Variants in HECW2 observed in about 807,000 individuals in gnomAD.
HECW2 encodes E3 ubiquitin-protein ligase HECW2.
HECW2 carries 61 observed loss-of-function variants against 175.2 expected under a neutral mutation model. That is an observed-to-expected ratio of 0.35 (90% CI 0.28 to 0.43). The LOEUF (loss-of-function observed/expected upper bound fraction) is 0.43. Ranked by LOEUF, HECW2 falls within the 20% of genes least tolerant of loss-of-function variation. The pLI, the probability that HECW2 is intolerant of heterozygous loss-of-function variation, is 1.00. For missense variants in HECW2, 1,524 were observed against 2,000.5 expected (o/e 0.76, Z 4.54); for synonymous variants, 671 against 731.0 (o/e 0.92, Z 1.32).
At chr2:196,444,154 G>T (rs1373729908) in intron 1 of HECW2, among the ~76,000 whole-genome samples, 1 of 152,210 alleles carries the variant, frequency 6.6e-6, no homozygotes, top group South Asian at 2.1e-4. Flanking sequence ...TTAAGCGGAA[G>T]ATATCTTTTC....
intron 13 of HECW2, among the ~76,000 whole-genome samples, chr2:196,299,881 A>T (rs1459041824): frequency 6.6e-6 from 1 of 151,904 alleles, no homozygotes; most frequent in Non-Finnish European, 1.5e-5. Context: ...GTGAGCCGAG[A>T]TGGCGCCACT....
chr2:196,433,101 G>A (rs1322529006), intron 2 of HECW2, 31 bp downstream of exon 2: 1 of 1,561,574 alleles, frequency 6.4e-7, no homozygotes, highest in East Asian at 2.3e-5. Flanking sequence ...TATGCTCTGA[G>A]TCACATGCAA....
intron 1 of HECW2, among the ~76,000 whole-genome samples, chr2:196,462,961 C>A (rs187767779): frequency 3.9e-5 from 6 of 152,344 alleles, no homozygotes; most frequent in Admixed American, 3.9e-4. Context: ...CCTCCACTCA[C>A]ACCAGCAGTG....
chr2:196,563,402 C>T (rs1179294006), intron 1 of HECW2, among the ~76,000 whole-genome samples: 2 of 151,592 alleles, frequency 1.3e-5, no homozygotes, highest in East Asian at 3.9e-4. Context: ...CCCGCCTCTA[C>T]TAAAAATTGA....
At chr2:196,291,617 G>T (rs1370536514) in intron 14 of HECW2, 1 of 152,172 alleles carries the variant, frequency 6.6e-6, no homozygotes, top group South Asian at 2.1e-4. Context: ...AACTGAGGTT[G>T]GTTACTCAAT....
intron 2 of HECW2, among the ~76,000 whole-genome samples, chr2:196,356,948 A>G (rs1693392513): frequency 6.6e-6 from 1 of 152,244 alleles, no homozygotes; most frequent in African/African-American, 2.4e-5. Context: ...CTGTATGCAC[A>G]GAGTGAACCC....
intron 21 of HECW2, among the ~76,000 whole-genome samples, chr2:196,229,733 C>G (rs1687981616): frequency 6.6e-6 from 1 of 152,158 alleles, no homozygotes; most frequent in East Asian, 1.9e-4. Context: ...ACAGAACAGA[C>G]TTCAATTATT....
chr2:196,241,939 T>A (rs1688473071), intron 20 of HECW2, 145 bp downstream of exon 20: 1 of 710,852 alleles, frequency 1.4e-6, no homozygotes, highest in Non-Finnish European at 2.4e-6. Context: ...TTTTAGATGA[T>A]CCTATAATTT....
intron 1 of HECW2, among the ~76,000 whole-genome samples, chr2:196,477,618 C>G (rs879487087): frequency 5.3e-5 from 8 of 152,138 alleles, no homozygotes; most frequent in Non-Finnish European, 7.3e-5. Flanking sequence ...TCACAAAAAT[C>G]TGAATGAGTG....
At chr2:196,502,013 G>C (rs773978090) in intron 1 of HECW2, among the ~76,000 whole-genome samples, 3 of 152,136 alleles carry the variant, frequency 2.0e-5, no homozygotes, top group Non-Finnish European at 2.9e-5. Context: ...AATCACTCAA[G>C]TCATATTGAA....
intron 1 of HECW2, among the ~76,000 whole-genome samples, chr2:196,570,840 G>A (rs1042033560): frequency 6.6e-6 from 1 of 152,146 alleles, no homozygotes; most frequent in Non-Finnish European, 1.5e-5. Flanking sequence ...GCCAGTAGAA[G>A]CTTTCCCTTT....
chr2:196,531,594 G>A (rs149806817), intron 1 of HECW2, among the ~76,000 whole-genome samples: 1,543 of 151,788 alleles, frequency 0.01, 11 homozygotes, highest in Non-Finnish European at 0.016. Flanking sequence ...CCCGGTAAGC[G>A]GAGGTTGCAG....
chr2:196,341,879 C>A (rs187652789), intron 3 of HECW2, among the ~76,000 whole-genome samples: 42 of 152,238 alleles, frequency 2.8e-4, no homozygotes, highest in Admixed American at 2.6e-3. Flanking sequence ...CAGATGTTAA[C>A]CTTTTAAGAT....
At chr2:196,400,066 T>A (rs1271494938) in intron 2 of HECW2, among the ~76,000 whole-genome samples, 1 of 152,232 alleles carries the variant, frequency 6.6e-6, no homozygotes, top group Non-Finnish European at 1.5e-5. Flanking sequence ...TGGAGAAATT[T>A]GTCTTATAAA....
chr2:196,246,965 A>T (rs984547754), intron 19 of HECW2, among the ~76,000 whole-genome samples: 15 of 152,188 alleles, frequency 9.9e-5, no homozygotes, highest in Non-Finnish European at 1.5e-4. Context: ...ATTTCATTTT[A>T]AAATTATAGT....
Position 196,213,539 on chromosome 2 carries a change from A to T in HECW2, c.4607+2326T>A, listed in dbSNP as rs76737375. ...CTCTTTCTTCTCATCAGACCCCAAA[A>T]GATGGGGCTTGTTACGGAGAGGGTA... is the stretch of plus-strand genomic sequence containing the variant. On this transcript the variant is annotated intron_variant, in intron 28 of 28. Transcript: ENST00000644978. Among the ~76,000 whole-genome samples, 62 of 152,274 alleles carry T rather than the reference A, an allele frequency of 4.1e-4. 1 individual carries two copies. The East Asian group carries it at 0.011, about 27-fold the overall frequency.
chr2:196,222,980 T>C (rs1407410369), intron 23 of HECW2, among the ~76,000 whole-genome samples: 1 of 152,210 alleles, frequency 6.6e-6, no homozygotes, highest in Non-Finnish European at 1.5e-5. Context: ...GGTAAGTTAC[T>C]GTTCCATGGC....
chr2:196,383,653 T>C (rs1159851233), intron 2 of HECW2, among the ~76,000 whole-genome samples: 3 of 152,184 alleles, frequency 2.0e-5, no homozygotes, highest in Non-Finnish European at 2.9e-5. Context: ...CTTCACCCAG[T>C]TGGCAATGAC....
At chr2:196,398,754 A>C (rs1368138815) in intron 2 of HECW2, among the ~76,000 whole-genome samples, 1 of 152,214 alleles carries the variant, frequency 6.6e-6, no homozygotes, top group African/African-American at 2.4e-5. Flanking sequence ...CAGTGAGAGC[A>C]AAAGACTCAC....
Sources: allele counts gnomAD v4.1 joint callset (sites outside exome capture counted in the v4.1 genomes callset), GRCh38; gene constraint gnomAD v4.1.1; transcripts MANE v1.5; gene names NCBI Gene and HGNC (gene_info 2026-07-23, HGNC 2026-07-21).